GALNTL6: variants seen among roughly 807,000 people sequenced by gnomAD.
GALNTL6 encodes polypeptide N-acetylgalactosaminyltransferase-like 6.
In GALNTL6, 46 loss-of-function variants were observed where a neutral mutation model predicts 73.7. The observed-to-expected ratio is 0.62, with a 90% CI of 0.49 to 0.80. GALNTL6 has a LOEUF of 0.80. Among genes scored for constraint, GALNTL6 ranks in the 30% least tolerant of loss-of-function variants. GALNTL6 has a pLI of 0.00. For synonymous variants in GALNTL6, 259 were observed against 263.7 expected, an observed-to-expected ratio of 0.98 and a Z score of 0.17; for missense variants, 604 against 755.0, an observed-to-expected ratio of 0.80 and a Z score of 2.34.
chr4:172,454,805 TG>T (rs1446409080), intron 5 of GALNTL6, among the ~76,000 whole-genome samples: 2 of 152,230 alleles, frequency 1.3e-5, no homozygotes, highest in Non-Finnish European at 2.9e-5. Context: ...GGCTTCCCAG[TG>T]TAGCTCTCCA....
chr4:172,300,611 A>T (rs1237841738), intron 3 of GALNTL6, among the ~76,000 whole-genome samples: 1 of 152,050 alleles, frequency 6.6e-6, no homozygotes, highest in Non-Finnish European at 1.5e-5. Flanking sequence ...AAAGGATTTT[A>T]TTTCTCCTTC....
intron 5 of GALNTL6, among the ~76,000 whole-genome samples, chr4:172,390,314 T>G (rs565571978): frequency 6.6e-6 from 1 of 152,348 alleles, no homozygotes; most frequent in African/African-American, 2.4e-5. Context: ...TGTTTAAACT[T>G]TAATTAACAG....
intron 3 of GALNTL6, among the ~76,000 whole-genome samples, chr4:172,281,716 A>G (rs1324922345): frequency 6.6e-6 from 1 of 152,146 alleles, no homozygotes; most frequent in African/African-American, 2.4e-5. Flanking sequence ...GTCAAAACAA[A>G]CAAACAAACA....
At chr4:172,491,011 AG>A (rs1733874396) in intron 5 of GALNTL6, among the ~76,000 whole-genome samples, 1 of 145,686 alleles carries the variant, frequency 6.9e-6, no homozygotes, top group African/African-American at 2.6e-5. Context: ...CCATGTAGTC[AG>A]GACCTTATGT....
intron 2 of GALNTL6, among the ~76,000 whole-genome samples, chr4:172,009,546 C>T (rs1740940628): frequency 6.6e-6 from 1 of 152,082 alleles, no homozygotes; most frequent in Admixed American, 6.6e-5. Context: ...ATTTACTTAA[C>T]AAGACCTTTT....
At chr4:172,113,057 C>T (rs745966266) in intron 2 of GALNTL6, among the ~76,000 whole-genome samples, 1 of 151,830 alleles carries the variant, frequency 6.6e-6, no homozygotes, top group Non-Finnish European at 1.5e-5. Flanking sequence ...ATACACATTT[C>T]ACCGAGAATA....
intron 2 of GALNTL6, among the ~76,000 whole-genome samples, chr4:172,075,483 T>C (rs143209014): frequency 3.5e-4 from 53 of 152,140 alleles, no homozygotes; most frequent in South Asian, 3.1e-3. Context: ...TACAGGCGCC[T>C]GCCACCAGGC....
intron 5 of GALNTL6, among the ~76,000 whole-genome samples, chr4:172,367,464 CT>C (rs11395346): frequency 4.0e-5 from 6 of 151,194 alleles, no homozygotes; most frequent in East Asian, 1.9e-4. Context: ...CTAGAAAGAC[CT>C]TTTTTTTTGA....
chr4:172,126,556 G>T (rs959264808), intron 2 of GALNTL6, among the ~76,000 whole-genome samples: 2 of 152,158 alleles, frequency 1.3e-5, no homozygotes, highest in African/African-American at 4.8e-5. Context: ...AGCCTGGAGC[G>T]GCTCCCCAGT....
intron 5 of GALNTL6, among the ~76,000 whole-genome samples, chr4:172,650,620 C>T (rs943540487): frequency 1.3e-5 from 2 of 152,060 alleles, no homozygotes; most frequent in African/African-American, 4.8e-5. Flanking sequence ...CCAATACTGC[C>T]AGAGTGCTAC....
chr4:171,953,455 AT>A (rs1738949792), intron 2 of GALNTL6, among the ~76,000 whole-genome samples: 2 of 152,194 alleles, frequency 1.3e-5, no homozygotes, highest in Non-Finnish European at 2.9e-5. Flanking sequence ...ATTGATCAGA[AT>A]TGGCATTGCA....
chr4:171,989,770 T>C (rs1190164355), intron 2 of GALNTL6, among the ~76,000 whole-genome samples: 1 of 152,222 alleles, frequency 6.6e-6, no homozygotes, highest in Admixed American at 6.5e-5. Flanking sequence ...AAAATGTATA[T>C]TGAGAATAAG....
At chr4:172,848,336 A>C (rs1323331662) in intron 7 of GALNTL6, among the ~76,000 whole-genome samples, 4 of 152,066 alleles carry the variant, frequency 2.6e-5, no homozygotes, top group African/African-American at 9.7e-5. Flanking sequence ...TTTCCTTTTC[A>C]TTGACCTGTA....
At chr4:172,557,463 CG>C (rs1736192202) in intron 5 of GALNTL6, among the ~76,000 whole-genome samples, 1 of 151,988 alleles carries the variant, frequency 6.6e-6, no homozygotes, top group African/African-American at 2.4e-5. Context: ...ATGCAAGGCA[CG>C]GACTGGGAGA....
At chr4:172,206,809 TTTTTGTTTG>T (rs1182758758) in intron 2 of GALNTL6, among the ~76,000 whole-genome samples, 15 of 13,110 alleles carry the variant, frequency 1.1e-3, no homozygotes, top group African/African-American at 2.8e-3. Flanking sequence ...TTTTCTGTTT[TTTTTGTTTG>T]TTTTTTTTTT....
At chr4:172,326,831 T>C (rs1184186185) in intron 4 of GALNTL6, among the ~76,000 whole-genome samples, 1 of 151,998 alleles carries the variant, frequency 6.6e-6, no homozygotes, top group Non-Finnish European at 1.5e-5. Context: ...AAAGTTGATA[T>C]AATTCTTTTT....
At chr4:172,209,440 G>T (rs1490860095) in intron 2 of GALNTL6, among the ~76,000 whole-genome samples, 1 of 94,688 alleles carries the variant, frequency 1.1e-5, no homozygotes, top group Non-Finnish European at 2.3e-5. Flanking sequence ...CAGGGTCTCT[G>T]GTCAAAAAAA....
At chr4:172,944,148 C>A (rs1749044706) in intron 9 of GALNTL6, among the ~76,000 whole-genome samples, 1 of 152,090 alleles carries the variant, frequency 6.6e-6, no homozygotes, top group Non-Finnish European at 1.5e-5. Flanking sequence ...GAAATTAAAA[C>A]CACCTATTTT....
At chr4:172,288,971 C>T (rs1739365897) in intron 3 of GALNTL6, among the ~76,000 whole-genome samples, 1 of 152,040 alleles carries the variant, frequency 6.6e-6, no homozygotes, top group South Asian at 2.1e-4. Flanking sequence ...TATAGCTTTG[C>T]ATGTGACATT....
Sources: gnomAD v4.1 joint callset for allele counts (sites outside exome capture counted in the v4.1 genomes callset) on GRCh38, gnomAD v4.1.1 for gene constraint, MANE v1.5 for transcripts, NCBI Gene and HGNC (gene_info 2026-07-23, HGNC 2026-07-21) for gene names.